ITFG1: variants seen among roughly 807,000 people sequenced by gnomAD.
The protein encoded by ITFG1 is T-cell immunomodulatory protein.
ITFG1 carries 34 observed loss-of-function variants against 81.8 expected under a neutral mutation model. The observed-to-expected ratio is 0.42, with a 90% CI of 0.32 to 0.55. The LOEUF (loss-of-function observed/expected upper bound fraction) is 0.55. ITFG1 is among the 20% of genes least tolerant of loss of function. The pLI is 0.17. For synonymous variants in ITFG1, 285 were observed against 270.6 expected, an observed-to-expected ratio of 1.05 and a Z score of -0.52; for missense variants, 672 against 755.4, an observed-to-expected ratio of 0.89 and a Z score of 1.29.
chr16:47,437,482 A>G (rs960152306), intron 5 of ITFG1, among the ~76,000 whole-genome samples: 5 of 152,120 alleles, frequency 3.3e-5, no homozygotes, highest in Non-Finnish European at 7.3e-5. Context: ...AAAAAAAAAA[A>G]AAAAGCCTTA....
At chr16:47,274,954 A>G (rs1213916361) in intron 10 of ITFG1, among the ~76,000 whole-genome samples, 1 of 152,228 alleles carries the variant, frequency 6.6e-6, no homozygotes, top group Non-Finnish European at 1.5e-5. Flanking sequence ...TAGTATGTAA[A>G]GAATTGAAAT....
intron 8 of ITFG1, among the ~76,000 whole-genome samples, chr16:47,333,270 A>G (rs922893301): frequency 6.6e-6 from 1 of 152,208 alleles, no homozygotes; most frequent in Non-Finnish European, 1.5e-5. Context: ...ATGCTTGGTA[A>G]TATTAATCAC....
intron 3 of ITFG1, among the ~76,000 whole-genome samples, chr16:47,453,260 A>AAG (rs1969411570): frequency 2.6e-5 from 4 of 152,234 alleles, no homozygotes; most frequent in Non-Finnish European, 1.5e-5. Flanking sequence ...CAAATGGTGC[A>AAG]GAAAACATGA....
intron 12 of ITFG1, 93 bp from the exon 13 acceptor site, chr16:47,238,101 T>C: frequency 1.5e-6 from 1 of 677,564 alleles, no homozygotes; most frequent in East Asian, 3.1e-5. Flanking sequence ...ATATACTCTA[T>C]TGATTCATAA....
intron 13 of ITFG1, among the ~76,000 whole-genome samples, chr16:47,223,736 A>C (rs1356530531): frequency 6.6e-6 from 1 of 152,172 alleles, no homozygotes; most frequent in Non-Finnish European, 1.5e-5. Flanking sequence ...AAGGACTATA[A>C]ATCATGCTGC....
At chr16:47,233,714 G>C (rs1457019003) in intron 13 of ITFG1, among the ~76,000 whole-genome samples, 1 of 152,172 alleles carries the variant, frequency 6.6e-6, no homozygotes, top group Non-Finnish European at 1.5e-5. Flanking sequence ...TCTCACCTAA[G>C]AAGACAGGGA....
At position 47,165,149 on chromosome 16, in the gene ITFG1, T is replaced by C. The variant is rs116363714; in HGVS notation, c.1454-2485A>G. Reference sequence around the variant, plus strand: ...CTTTCCCTATTGTAATTCACTTTTATACAATATATGTATTTTCTAGGTATT... The same window carrying C: ...CTTTCCCTATTGTAATTCACTTTTACACAATATATGTATTTTCTAGGTATT... On this transcript the variant is annotated intron_variant, in intron 14 of 17. Coordinates refer to ENST00000320640, the MANE Select transcript of ITFG1 (RefSeq NM_030790.5). Among the ~76,000 whole-genome samples the C allele has an allele frequency of 1.5e-3, 228 of 152,354 alleles. 2 individuals carry two copies. Among genetic ancestry groups the C allele is most frequent in the African/African-American group, 5.3e-3 (219 of 41,588 alleles).
intron 6 of ITFG1, among the ~76,000 whole-genome samples, chr16:47,409,374 C>CTATA (rs1187875461): frequency 0.011 from 234 of 20,980 alleles, 13 homozygotes; most frequent in South Asian, 0.026. Context: ...TACACACACA[C>CTATA]TATATATATA....
intron 8 of ITFG1, among the ~76,000 whole-genome samples, chr16:47,360,162 G>T (rs1309370012): frequency 6.6e-6 from 1 of 152,088 alleles, no homozygotes; most frequent in African/African-American, 2.4e-5. Context: ...CTATTTGACT[G>T]AGCTATTTGA....
chr16:47,434,309 C>T (rs575979818), intron 5 of ITFG1, among the ~76,000 whole-genome samples: 12 of 151,518 alleles, frequency 7.9e-5, no homozygotes, highest in African/African-American at 1.2e-4. Flanking sequence ...ATCTATCCAT[C>T]TGACAAAGTT....
chr16:47,368,150 T>G (rs1968201126), intron 7 of ITFG1, among the ~76,000 whole-genome samples: 1 of 148,642 alleles, frequency 6.7e-6, no homozygotes, highest in South Asian at 2.1e-4. Context: ...AGAAGAATGG[T>G]GTGAACCCAG....
intron 8 of ITFG1, among the ~76,000 whole-genome samples, chr16:47,331,970 T>G (rs960873667): frequency 3.9e-5 from 6 of 152,106 alleles, no homozygotes; most frequent in African/African-American, 1.4e-4. Flanking sequence ...CAAATATTAT[T>G]AGGACATCAA....
intron 6 of ITFG1, among the ~76,000 whole-genome samples, chr16:47,420,612 T>G (rs1270319515): frequency 6.6e-6 from 1 of 152,210 alleles, no homozygotes; most frequent in Non-Finnish European, 1.5e-5. Context: ...TGTATTAATT[T>G]CCATAAAAAT....
intron 10 of ITFG1, among the ~76,000 whole-genome samples, chr16:47,276,874 A>C (rs1412727912): frequency 1.3e-5 from 2 of 152,268 alleles, no homozygotes; most frequent in African/African-American, 2.4e-5. Flanking sequence ...GTTTAGGTAC[A>C]TTAAAAGCCT....
intron 8 of ITFG1, among the ~76,000 whole-genome samples, chr16:47,348,279 T>G (rs895187916): frequency 2.6e-5 from 4 of 152,058 alleles, no homozygotes; most frequent in South Asian, 2.1e-4. Flanking sequence ...AAGGAGGAAG[T>G]TTGATCCCAA....
At chr16:47,340,848 T>C (rs1967772171) in intron 8 of ITFG1, among the ~76,000 whole-genome samples, 1 of 152,196 alleles carries the variant, frequency 6.6e-6, no homozygotes, top group Non-Finnish European at 1.5e-5. Context: ...GTTATATTCA[T>C]ATAGACAAAA....
Position 47,460,821 on chromosome 16 carries a change from G to T in ITFG1, c.208+17C>A. ...CACACGGACAGCGAACAGAGGGAGGGCCCGGCAAGCACTGACTTTCCCGCA... is the reference window on the plus strand; with the variant it reads ...CACACGGACAGCGAACAGAGGGAGGTCCCGGCAAGCACTGACTTTCCCGCA... On this transcript the variant is annotated intron_variant, in intron 1 of 17. Coordinates refer to ENST00000320640, the MANE Select transcript of ITFG1 (RefSeq NM_030790.5). The T allele has an allele frequency of 6.2e-7, 1 of 1,611,548 alleles. No homozygotes were observed.
intron 1 of ITFG1, among the ~76,000 whole-genome samples, chr16:47,459,392 G>A (rs1038836216): frequency 6.6e-6 from 1 of 152,178 alleles, no homozygotes; most frequent in Non-Finnish European, 1.5e-5. Context: ...TAGAAAGGAT[G>A]AACATGGGAA....
At chr16:47,328,474 T>A (rs1004272715) in intron 8 of ITFG1, among the ~76,000 whole-genome samples, 3 of 151,766 alleles carry the variant, frequency 2.0e-5, no homozygotes, top group African/African-American at 7.3e-5. Flanking sequence ...AGTATAATAA[T>A]AATAATAAAA....
Sources: gnomAD v4.1 joint callset for allele counts (sites outside exome capture counted in the v4.1 genomes callset) on GRCh38, gnomAD v4.1.1 for gene constraint, MANE v1.5 for transcripts, NCBI Gene and HGNC (gene_info 2026-07-23, HGNC 2026-07-21) for gene names.